Variants in SLC35F4 observed in about 807,000 individuals in gnomAD.
SLC35F4 encodes the protein solute carrier family 35 member F4.
A neutral mutation model predicts 44.2 loss-of-function variants in SLC35F4; 24 were observed. The ratio of observed to expected loss-of-function variants is 0.54; its 90% CI spans 0.39 to 0.76. The LOEUF is 0.76. Ranked by LOEUF, SLC35F4 falls within the 30% of genes least tolerant of loss-of-function variation. SLC35F4 has a pLI of 0.00. For missense variants in SLC35F4, 562 were observed against 586.1 expected, an observed-to-expected ratio of 0.96 and a Z score of 0.42; for synonymous variants, 238 against 223.6, an observed-to-expected ratio of 1.06 and a Z score of -0.57.
intron 1 of SLC35F4, among the ~76,000 whole-genome samples, chr14:57,657,200 C>G (rs1054628982): frequency 6.6e-6 from 1 of 152,240 alleles, no homozygotes; most frequent in Admixed American, 6.5e-5. Flanking sequence ...GTTTTACCCT[C>G]TATCCTTCCC....
At chr14:57,627,673 T>C (rs1324937113) in intron 1 of SLC35F4, among the ~76,000 whole-genome samples, 2 of 152,140 alleles carry the variant, frequency 1.3e-5, no homozygotes, top group Non-Finnish European at 2.9e-5. Context: ...CATTCTTGAA[T>C]ACAATATTCA....
chr14:57,895,192 C>T (rs1188423207), intron 1 of SLC35F4, among the ~76,000 whole-genome samples: 1 of 152,060 alleles, frequency 6.6e-6, no homozygotes, highest in East Asian at 1.9e-4. Flanking sequence ...CACTTCTGTC[C>T]AGGTACACAG....
chr14:57,631,904 A>G (rs1176753344), intron 1 of SLC35F4, among the ~76,000 whole-genome samples: 8 of 152,138 alleles, frequency 5.3e-5, no homozygotes, highest in African/African-American at 1.9e-4. Flanking sequence ...AGATATAAGT[A>G]AGAATTATCA....
chr14:57,660,696 G>A (rs2074110534), intron 1 of SLC35F4, among the ~76,000 whole-genome samples: 1 of 152,026 alleles, frequency 6.6e-6, no homozygotes, highest in Non-Finnish European at 1.5e-5. Context: ...ACTGCTCTGG[G>A]GGAAGCCAGC....
At chr14:57,835,899 A>C (rs1419261097) in intron 1 of SLC35F4, among the ~76,000 whole-genome samples, 1 of 152,166 alleles carries the variant, frequency 6.6e-6, no homozygotes, top group African/African-American at 2.4e-5. Context: ...CCTTTCTTTT[A>C]ATTTCCATTG....
At chr14:57,710,463 A>C (rs900273922) in intron 1 of SLC35F4, among the ~76,000 whole-genome samples, 8 of 152,158 alleles carry the variant, frequency 5.3e-5, no homozygotes, top group African/African-American at 1.9e-4. Flanking sequence ...CTACTAGGGC[A>C]CTGCCTAGTA....
intron 1 of SLC35F4, among the ~76,000 whole-genome samples, chr14:57,818,424 C>A (rs1204287980): frequency 1.3e-5 from 2 of 152,170 alleles, no homozygotes; most frequent in Non-Finnish European, 1.5e-5. Context: ...ATCATATGAG[C>A]TCTTCATTCC....
chr14:57,726,389 C>G (rs1009562411), intron 1 of SLC35F4, among the ~76,000 whole-genome samples: 1 of 152,326 alleles, frequency 6.6e-6, no homozygotes, highest in Non-Finnish European at 1.5e-5. Flanking sequence ...TCAATACCAG[C>G]TATGACCACA....
At chr14:57,618,355 C>T (rs1302776515) in intron 1 of SLC35F4, among the ~76,000 whole-genome samples, 1 of 152,162 alleles carries the variant, frequency 6.6e-6, no homozygotes, top group African/African-American at 2.4e-5. Flanking sequence ...CTCCCTGGGA[C>T]TGGTTAGACA....
intron 1 of SLC35F4, among the ~76,000 whole-genome samples, chr14:57,680,428 G>A (rs762390367): frequency 4.6e-5 from 7 of 152,046 alleles, no homozygotes; most frequent in Non-Finnish European, 8.8e-5. Context: ...TACTGAATCG[G>A]CAAAAGCTGG....
chr14:57,571,066 G>C (rs999854329), intron 5 of SLC35F4, among the ~76,000 whole-genome samples: 8 of 152,146 alleles, frequency 5.3e-5, no homozygotes, highest in Admixed American at 2.6e-4. Flanking sequence ...TTAATAATCA[G>C]AACAGGCTTC....
intron 1 of SLC35F4, chr14:57,630,708 T>C (rs1319199679): frequency 1.4e-5 from 8 of 564,606 alleles, no homozygotes; most frequent in Admixed American, 2.7e-5. Flanking sequence ...ACCATGATCA[T>C]TTTTAGGCGT....
At chr14:57,711,937 A>G (rs1333839702) in intron 1 of SLC35F4, among the ~76,000 whole-genome samples, 2 of 152,228 alleles carry the variant, frequency 1.3e-5, no homozygotes, top group Non-Finnish European at 2.9e-5. Context: ...CAGGAAAAGC[A>G]GGCAAGAAAT....
At chr14:57,731,460 G>T (rs1310638467) in intron 1 of SLC35F4, among the ~76,000 whole-genome samples, 1 of 152,174 alleles carries the variant, frequency 6.6e-6, no homozygotes, top group Non-Finnish European at 1.5e-5. Context: ...CCTTTCCACT[G>T]TGGAAGCTAA....
intron 1 of SLC35F4, among the ~76,000 whole-genome samples, chr14:57,747,300 G>A (rs1196826617): frequency 6.6e-6 from 1 of 152,174 alleles, no homozygotes; most frequent in Non-Finnish European, 1.5e-5. Flanking sequence ...ACTGATAAGA[G>A]ACTCAGTGAC....
intron 1 of SLC35F4, among the ~76,000 whole-genome samples, chr14:57,692,499 T>G (rs1444867716): frequency 6.6e-6 from 1 of 152,180 alleles, no homozygotes; most frequent in Non-Finnish European, 1.5e-5. Context: ...TGATTTTAGT[T>G]CACCACTTAA....
chr14:57,886,890 A>AG (rs1243104708), intron 1 of SLC35F4, among the ~76,000 whole-genome samples: 3 of 152,236 alleles, frequency 2.0e-5, no homozygotes, highest in Non-Finnish European at 4.4e-5. Context: ...AGAAGGAAAG[A>AG]GAAAGCATCC....
chr14:57,786,109 T>C (rs1181318988), intron 1 of SLC35F4, among the ~76,000 whole-genome samples: 1 of 152,034 alleles, frequency 6.6e-6, no homozygotes, highest in Non-Finnish European at 1.5e-5. Context: ...GGCCTTCAGT[T>C]TGCGTGGGAG....
At position 57,911,224 on chromosome 14, in the gene SLC35F4, G is replaced by GA. The variant is rs574381507; in HGVS notation, n.282+70688dup. 1.7e-4 allele frequency among the ~76,000 whole-genome samples: 26 copies of GA among 151,900 alleles called. 1 individual carries two copies. In the South Asian group the frequency reaches 5.2e-3, roughly 30 times the overall value. On this transcript the variant is annotated intron_variant and non_coding_transcript_variant, in intron 1 of 1. Coordinates refer to the SLC35F4 transcript ENST00000556568. ...TGTTTTCTACATAGACAATAATGTAGAAAAAAGCTATAAACAAATTTTTTT... is the reference window on the plus strand; with the variant it reads ...TGTTTTCTACATAGACAATAATGTAGAAAAAAAGCTATAAACAAATTTTTTT...
Sources: allele counts gnomAD v4.1 joint callset (sites outside exome capture counted in the v4.1 genomes callset), GRCh38; gene constraint gnomAD v4.1.1; transcripts MANE v1.5; gene names NCBI Gene and HGNC (gene_info 2026-07-23, HGNC 2026-07-21).